The following DNA2 variants were observed in gnomAD, a reference collection of about 807,000 sequenced individuals.
The protein encoded by DNA2 is DNA replication ATP-dependent helicase/nuclease DNA2.
DNA2 carries 101 observed loss-of-function variants against 119.1 expected under a neutral mutation model. The ratio of observed to expected loss-of-function variants is 0.85; its 90% CI spans 0.72 to 1.00. DNA2 has a LOEUF of 1.00. Among genes scored for constraint, DNA2 ranks in the 50% least tolerant of loss-of-function variants. The probability of loss-of-function intolerance (pLI) is 0.00; values close to 1 mark genes in which losing one functional copy is unlikely to be tolerated. For synonymous variants in DNA2, 366 were observed against 424.4 expected, an observed-to-expected ratio of 0.86 and a Z score of 1.69; for missense variants, 1,121 against 1,255.5, an observed-to-expected ratio of 0.89 and a Z score of 1.62.
Position 68,471,960 on chromosome 10 carries a change from C to A in DNA2, c.-96G>T. ...AAAGGGAAAAAGGCGCGAGCCTGCGCACCTCGCGCGCATGCGCCAACCCGC... is the reference window on the plus strand; with the variant it reads ...AAAGGGAAAAAGGCGCGAGCCTGCGAACCTCGCGCGCATGCGCCAACCCGC... On this transcript the variant is annotated 5_prime_UTR_variant, in exon 1 of 21. Transcript: ENST00000358410. 1.2e-6 allele frequency: 2 copies of A among 1,612,588 alleles called. No homozygotes were observed. Among genetic ancestry groups the A allele is most frequent in the Non-Finnish European group, 8.5e-7 (1 of 1,178,936 alleles).
At chr10:68,449,872 C>T (rs1380059795) in intron 6 of DNA2, among the ~76,000 whole-genome samples, 156 bp downstream of exon 6, 3 of 151,452 alleles carry the variant, frequency 2.0e-5, no homozygotes. Context: ...GAGATCACAC[C>T]ATTGCACTCC....
Position 68,419,469 on chromosome 10 carries a change from G to GCACA in DNA2, c.2788-260_2788-257dup, listed in dbSNP as rs113036471. On this transcript the variant is annotated intron_variant, in intron 18 of 20. Transcript: ENST00000358410. The stretch of plus-strand genomic sequence containing the variant: ...AAGGATTATATGCTACTAAAACAGT[G>GCACA]CACACACACACACACACAGTACAAA... The GCACA allele has an allele frequency of 2.5e-3, 1,222 of 486,688 alleles. 14 individuals are homozygous for GCACA. Among genetic ancestry groups the GCACA allele is most frequent in the African/African-American group, 0.02 (1,009 of 50,606 alleles). 30.1% of individuals were successfully genotyped at this position (486,688 alleles called of 1,614,324 possible).
chr10:68,451,962 T>TAA (rs75679260), intron 5 of DNA2, among the ~76,000 whole-genome samples: 14 of 148,468 alleles, frequency 9.4e-5, no homozygotes, highest in Non-Finnish European at 1.9e-4. Flanking sequence ...TAATTTTTTA[T>TAA]AAAAAAAAAA....
intron 17 of DNA2, 86 bp from the exon 18 acceptor site, chr10:68,419,978 C>G (rs560002078): frequency 3.0e-6 from 3 of 997,162 alleles, no homozygotes; most frequent in Non-Finnish European, 4.6e-6. Context: ...ACTATACTAC[C>G]GACTTGGAGA....
intron 17 of DNA2, among the ~76,000 whole-genome samples, chr10:68,421,002 G>A (rs190603247): frequency 5.9e-5 from 9 of 151,522 alleles, no homozygotes; most frequent in African/African-American, 1.9e-4. Context: ...GCAGTGGCGC[G>A]ATCTCGGCTC....
chr10:68,470,023 T>C lies in DNA2; in HGVS notation c.215A>G (p.Gln72Arg), dbSNP rs760726047. ...GCATAGTTCTTTATTTTCTAGTGACTGTGAAGCAGTGATGACCAGGCGCTT... is the reference window on the plus strand; with the variant it reads ...GCATAGTTCTTTATTTTCTAGTGACCGTGAAGCAGTGATGACCAGGCGCTT... ...CEKRLVITAS[Q>R]SLENKELCIL... The change falls in exon 2 of 21, where the codon CAG becomes CGG. Residue 72 changes from glutamine (Q) to arginine (R), a missense_variant. Coordinates refer to ENST00000358410, the MANE Select transcript of DNA2 (RefSeq NM_001080449.3). 4 of 1,612,018 alleles carry C rather than the reference T, an allele frequency of 2.5e-6. No homozygotes were observed. The South Asian group carries it at 3.3e-5, about 13-fold the overall frequency.
chr10:68,417,730 C>A (rs1476938924), intron 19 of DNA2, among the ~76,000 whole-genome samples: 1 of 151,460 alleles, frequency 6.6e-6, no homozygotes, highest in East Asian at 1.9e-4. Flanking sequence ...ATTAAACAGG[C>A]CTCAATTACA....
chr10:68,438,581 C>G (rs2051923828), intron 9 of DNA2, among the ~76,000 whole-genome samples: 1 of 151,762 alleles, frequency 6.6e-6, no homozygotes, highest in South Asian at 2.1e-4. Context: ...AACATGCAAT[C>G]TCAGAAGCTT....
intron 9 of DNA2, among the ~76,000 whole-genome samples, chr10:68,437,700 C>T (rs28580851): frequency 0.14 from 21,519 of 151,634 alleles, 3,390 homozygotes; most frequent in African/African-American, 0.39. Flanking sequence ...AATATTGAGC[C>T]TGTCATTTTT....
intron 5 of DNA2, among the ~76,000 whole-genome samples, chr10:68,451,494 A>G (rs548741121): frequency 2.4e-4 from 36 of 152,314 alleles, no homozygotes; most frequent in South Asian, 2.1e-3. Flanking sequence ...CTGCAGAAAG[A>G]TAAGAGTTAC....
At chr10:68,433,115 G>T (rs1282422442) in intron 10 of DNA2, among the ~76,000 whole-genome samples, 1 of 152,122 alleles carries the variant, frequency 6.6e-6, no homozygotes, top group Non-Finnish European at 1.5e-5. Context: ...GGCTGTGAAA[G>T]CACAGTACTT....
At chr10:68,470,226 T>C in intron 1 of DNA2, 63 bp from the exon 2 acceptor site, 2 of 1,374,436 alleles carry the variant, frequency 1.5e-6, no homozygotes, top group Non-Finnish European at 1.9e-6. Flanking sequence ...ATCCAATATG[T>C]TTTATCTACA....
intron 14 of DNA2, among the ~76,000 whole-genome samples, chr10:68,429,018 A>C (rs2133373998): frequency 6.6e-6 from 1 of 152,318 alleles, no homozygotes; most frequent in Admixed American, 6.5e-5. Flanking sequence ...CTCAAAGTAA[A>C]ATGTTTAATT....
chr10:68,422,101 C>A, intron 17 of DNA2, 124 bp downstream of exon 17: 1 of 757,304 alleles, frequency 1.3e-6, no homozygotes, highest in Non-Finnish European at 2.1e-6. Flanking sequence ...GTGTGAGCCA[C>A]CACGCCCAGC....
At chr10:68,432,701 A>G (rs963982777) in intron 10 of DNA2, among the ~76,000 whole-genome samples, 191 bp from the exon 11 acceptor site, 1 of 152,126 alleles carries the variant, frequency 6.6e-6, no homozygotes. Context: ...AGGGAAGGGG[A>G]AGGTCCAAGG....
chr10:68,424,961 A>G, intron 14 of DNA2: 2 of 647,914 alleles, frequency 3.1e-6, no homozygotes. Flanking sequence ...AGAAAGGCAA[A>G]TATAAGGAGG....
At chr10:68,424,313 G>A (rs1469561878) in intron 14 of DNA2, among the ~76,000 whole-genome samples, 3 of 152,214 alleles carry the variant, frequency 2.0e-5, no homozygotes, top group South Asian at 2.1e-4. Context: ...AGACCAGCCC[G>A]AGCAACACAG....
At chr10:68,471,545 G>A (rs2052380919) in intron 1 of DNA2, among the ~76,000 whole-genome samples, 1 of 152,134 alleles carries the variant, frequency 6.6e-6, no homozygotes, top group Non-Finnish European at 1.5e-5. Context: ...CTTAGGGAGA[G>A]AGGTGAAATC....
At chr10:68,462,670 G>T (rs1374731337) in intron 4 of DNA2, among the ~76,000 whole-genome samples, 1 of 152,112 alleles carries the variant, frequency 6.6e-6, no homozygotes, top group African/African-American at 2.4e-5. Context: ...TCACACCTAG[G>T]TTTGAATCCT....
Sources: allele counts gnomAD v4.1 joint callset (sites outside exome capture counted in the v4.1 genomes callset), GRCh38; gene constraint gnomAD v4.1.1; transcripts MANE v1.5; gene names NCBI Gene and HGNC (gene_info 2026-07-23, HGNC 2026-07-21).